Variants in ANKRD11 observed in about 807,000 individuals in gnomAD.
ANKRD11 encodes the protein ankyrin repeat domain 11.
A neutral mutation model predicts 195.7 loss-of-function variants in ANKRD11; 17 were observed. The ratio of observed to expected loss-of-function variants is 0.09; its 90% confidence interval spans 0.06 to 0.13. ANKRD11 has a LOEUF of 0.13. Ranked by LOEUF, ANKRD11 falls within the 10% of genes least tolerant of loss-of-function variation. The pLI, the probability that ANKRD11 is intolerant of heterozygous loss-of-function variation, is 1.00. For missense variants in ANKRD11, 3,735 were observed against 3,566.1 expected, an observed-to-expected ratio of 1.05 and a Z score of -1.21; for synonymous variants, 1,953 against 1,528.1, an observed-to-expected ratio of 1.28 and a Z score of -6.49.
At chr16:89,393,471 G>A (rs528102244) in intron 2 of ANKRD11, among the ~76,000 whole-genome samples, 1 of 147,494 alleles carries the variant, frequency 6.8e-6, no homozygotes, top group East Asian at 2.0e-4. Context: ...TTACAGGCGT[G>A]TGCCACCATA....
At chr16:89,353,352 G>A (rs1336067298) in intron 2 of ANKRD11, among the ~76,000 whole-genome samples, 38 of 144,784 alleles carry the variant, frequency 2.6e-4, no homozygotes, top group Non-Finnish European at 3.2e-4. Flanking sequence ...CAAAAAAAAA[G>A]AGAGAGAGAG....
At chr16:89,435,836 G>A (rs938230509) in intron 1 of ANKRD11, among the ~76,000 whole-genome samples, 14 of 86,542 alleles carry the variant, frequency 1.6e-4, no homozygotes, top group South Asian at 3.5e-4. Context: ...ACACACACAC[G>A]CTTTCGGTCT....
chr16:89,472,249 C>T (rs1443666834), intron 1 of ANKRD11, among the ~76,000 whole-genome samples: 1 of 152,188 alleles, frequency 6.6e-6, no homozygotes, highest in Non-Finnish European at 1.5e-5. Context: ...AATGGGGATG[C>T]TGACTTTGCA....
intron 2 of ANKRD11, among the ~76,000 whole-genome samples, chr16:89,338,656 C>T (rs2038498758): frequency 2.3e-5 from 3 of 132,554 alleles, no homozygotes; most frequent in African/African-American, 8.7e-5. Flanking sequence ...ACCTGGGAAG[C>T]TGAGGTTGCA....
chr16:89,324,091 C>T (rs953684294), intron 2 of ANKRD11: 1 of 375,468 alleles, frequency 2.7e-6, no homozygotes, highest in Non-Finnish European at 4.4e-6. Flanking sequence ...ACCTCATGAT[C>T]TGCCGGCCTC....
At chr16:89,437,776 T>A (rs2043277745) in intron 1 of ANKRD11, among the ~76,000 whole-genome samples, 1 of 151,968 alleles carries the variant, frequency 6.6e-6, no homozygotes, top group Admixed American at 6.6e-5. Flanking sequence ...CCGCCATGCC[T>A]CTCCACTACT....
chr16:89,281,481 C>T lies in ANKRD11; in HGVS notation c.5061G>A (p.Glu1687=), dbSNP rs946642356. 6 of 1,614,008 alleles carry T rather than the reference C, an allele frequency of 3.7e-6. No homozygotes were observed. In the African/African-American group the frequency reaches 8.0e-5, roughly 22 times the overall value. The change falls in exon 9 of 13, where the codon GAG becomes GAA. Residue 1687 remains glutamate (E), a synonymous_variant. Transcript: ENST00000301030. The surrounding 1 kb of genome is among the most constrained non-coding windows in gnomAD (Gnocchi z 5.5). ...CAGGCCTGGGGGACGCAGGCAGGAC[C>T]TCTTTCATGTGAGGGCCTGCCAGCC... The part of the protein sequence containing the change: ...KDWLAGPHMK[E]VLPASPRPDQ...
At chr16:89,437,053 G>T (rs775411161) in intron 1 of ANKRD11, among the ~76,000 whole-genome samples, 2 of 152,184 alleles carry the variant, frequency 1.3e-5, no homozygotes, top group Non-Finnish European at 2.9e-5. Context: ...GACATACGAG[G>T]AAGGAGATGT....
rs777257218 is a variant in ANKRD11 at position 89,280,725 on chromosome 16, G to A, written c.5817C>T (p.Phe1939=). The A allele has an allele frequency of 3.7e-6, 6 of 1,613,476 alleles. No homozygotes were observed. The Admixed American group carries it at 1.0e-4, about 27-fold the overall frequency. The change falls in exon 9 of 13, where the codon TTC becomes TTT. Residue 1939 remains phenylalanine, a synonymous_variant. Transcript: ENST00000301030. The part of the protein sequence containing the change: ...SYLEPLDEGP[F]SAVITEEPVE... Reference sequence around the variant, plus strand: ...CGGGCTCCTCGGTGATGACGGCGCTGAAGGGACCCTCGTCCAGCGGCTCCA... The same window carrying A: ...CGGGCTCCTCGGTGATGACGGCGCTAAAGGGACCCTCGTCCAGCGGCTCCA...
rs1384451909 is a variant in ANKRD11, at chr16:89,281,536, T to C, written c.5006A>G (p.His1669Arg). 6.2e-7 allele frequency: 1 copy of C among 1,613,976 alleles called. No homozygotes were observed. The highest frequency in any genetic ancestry group is 8.5e-7 in the Non-Finnish European group (1 of 1,180,014). ...PIPPAAENKL[H>R]PASGADSKDW... The stretch of plus-strand genomic sequence containing the variant: ...TTTGGAGTCTGCACCTGATGCTGGG[T>C]GTAGCTTATTTTCCGCGGCAGGTGG... Residue 1669 changes from histidine (H) to arginine (R), a missense_variant, in exon 9 of 13, where the codon CAC becomes CGC. His to Arg is a conservative substitution (Grantham distance 29). Coordinates refer to ENST00000301030, the MANE Select transcript of ANKRD11 (RefSeq NM_013275.6). This position sits in a 1 kb window ranked among gnomAD's most constrained non-coding sequence, Gnocchi z 5.5.
At chr16:89,376,555 A>C (rs2040431097) in intron 2 of ANKRD11, among the ~76,000 whole-genome samples, 1 of 152,156 alleles carries the variant, frequency 6.6e-6, no homozygotes, top group Non-Finnish European at 1.5e-5. Context: ...CTCCTGCCTC[A>C]GCCTCCCAAG....
Position 89,283,331 on chromosome 16 carries a change from C to G in ANKRD11, c.3211G>C (p.Gly1071Arg). ...GACGCTTTCCTTTCTTTGTCTTTGC[C>G]ATGTGTGTCTTTATGTTTTTCCTTG... The part of the protein sequence containing the change: ...DTKEKHKDTH[G>R]KDKERKASLD... Residue 1071 changes from glycine to arginine, a missense_variant, in exon 9 of 13, where the codon GGC (glycine) becomes CGC (arginine). Coordinates refer to ENST00000301030, the MANE Select transcript of ANKRD11 (RefSeq NM_013275.6). This position sits in a 1 kb window ranked among gnomAD's most constrained non-coding sequence, Gnocchi z 4.3. 2 of 1,613,890 alleles carry G rather than the reference C, an allele frequency of 1.2e-6. No homozygotes were observed. Among genetic ancestry groups the G allele is most frequent in the Non-Finnish European group, 1.7e-6 (2 of 1,180,016 alleles).
intron 4 of ANKRD11, among the ~76,000 whole-genome samples, chr16:89,294,815 G>A (rs930709902): frequency 3.9e-5 from 6 of 152,200 alleles, no homozygotes; most frequent in African/African-American, 9.7e-5. Context: ...ACCTGGAGCC[G>A]TGTGCCCCTG....
intron 2 of ANKRD11, among the ~76,000 whole-genome samples, chr16:89,386,638 A>G (rs775894746): frequency 6.6e-6 from 1 of 152,176 alleles, no homozygotes; most frequent in African/African-American, 2.4e-5. Context: ...CAGAATCACA[A>G]ATCTCTTCTC....
At chr16:89,433,512 A>G (rs2152275732) in intron 1 of ANKRD11, among the ~76,000 whole-genome samples, 1 of 152,358 alleles carries the variant, frequency 6.6e-6, no homozygotes, top group East Asian at 1.9e-4. Flanking sequence ...CAGCTCCAGC[A>G]ACACTAAAAG....
intron 2 of ANKRD11, among the ~76,000 whole-genome samples, chr16:89,335,783 T>G (rs987729269): frequency 8.5e-5 from 13 of 152,154 alleles, no homozygotes; most frequent in African/African-American, 3.1e-4. Flanking sequence ...GGCCCCAGTG[T>G]GGGTTCTCAC....
intron 2 of ANKRD11, among the ~76,000 whole-genome samples, chr16:89,406,704 T>C (rs1013323318): frequency 3.9e-5 from 6 of 152,158 alleles, no homozygotes; most frequent in Admixed American, 2.0e-4. Flanking sequence ...AGGACAGACT[T>C]CTGAAGAAGA....
chr16:89,347,538 G>A (rs1483171419), intron 2 of ANKRD11, among the ~76,000 whole-genome samples: 6 of 150,972 alleles, frequency 4.0e-5, no homozygotes, highest in African/African-American at 9.8e-5. Flanking sequence ...GTGAACCTGG[G>A]AGATGGAGGT....
At chr16:89,461,396 C>T (rs1567837654) in intron 1 of ANKRD11, among the ~76,000 whole-genome samples, 1 of 152,090 alleles carries the variant, frequency 6.6e-6, no homozygotes. Flanking sequence ...CAGAGAACTG[C>T]ACACTCAAAA....
Sources: allele counts gnomAD v4.1 joint callset (sites outside exome capture counted in the v4.1 genomes callset), GRCh38; gene constraint gnomAD v4.1.1; non-coding constraint Gnocchi (gnomAD v3.1); transcripts MANE v1.5; gene names NCBI Gene and HGNC (gene_info 2026-07-23, HGNC 2026-07-21).